The following RPRD1A variants were observed in gnomAD, a reference collection of about 807,000 sequenced individuals.
RPRD1A encodes the protein regulation of nuclear pre-mRNA domain-containing protein 1A.
In RPRD1A, 9 loss-of-function variants were observed where a neutral mutation model predicts 37.8. The observed-to-expected ratio is 0.24, with a 90% CI of 0.14 to 0.42. The LOEUF is 0.42. Among genes scored for constraint, RPRD1A ranks in the 10% least tolerant of loss-of-function variants. RPRD1A has a pLI of 1.00. For missense variants in RPRD1A, 255 were observed against 371.0 expected, an observed-to-expected ratio of 0.69 and a Z score of 2.57; for synonymous variants, 138 against 139.7, an observed-to-expected ratio of 0.99 and a Z score of 0.08.
chr18:35,995,481 T>A (rs777129816), intron 6 of RPRD1A, among the ~76,000 whole-genome samples: 8 of 152,142 alleles, frequency 5.3e-5, no homozygotes, highest in Non-Finnish European at 1.2e-4. Flanking sequence ...TTGGTCAGGC[T>A]GGTCTCGAAT....
At chr18:36,002,626 T>C (rs1909493806) in intron 6 of RPRD1A, among the ~76,000 whole-genome samples, 3 of 152,200 alleles carry the variant, frequency 2.0e-5, no homozygotes, top group Non-Finnish European at 2.9e-5. Flanking sequence ...TGTTCTTGCA[T>C]TGTACCTACT....
intron 1 of RPRD1A, among the ~76,000 whole-genome samples, chr18:36,049,629 G>A (rs1242319888): frequency 1.3e-5 from 2 of 152,182 alleles, no homozygotes; most frequent in Non-Finnish European, 2.9e-5. Flanking sequence ...CTGTGTTGTA[G>A]CATGTGTCAG....
intron 6 of RPRD1A, among the ~76,000 whole-genome samples, chr18:36,020,029 G>A (rs1910886564): frequency 1.3e-5 from 2 of 152,134 alleles, no homozygotes; most frequent in South Asian, 2.1e-4. Flanking sequence ...GAGAGAGTGA[G>A]ACTCCATCTG....
chr18:36,058,371 AC>A (rs1179562871), intron 1 of RPRD1A, among the ~76,000 whole-genome samples: 11 of 152,332 alleles, frequency 7.2e-5, no homozygotes, highest in African/African-American at 2.6e-4. Context: ...AGAAACTTCT[AC>A]TTGTACATTT....
intron 6 of RPRD1A, among the ~76,000 whole-genome samples, chr18:36,001,573 A>T (rs1256451058): frequency 2.0e-5 from 3 of 152,154 alleles, no homozygotes; most frequent in Non-Finnish European, 4.4e-5. Context: ...AGGTTTTCAC[A>T]AGCAGGCCAA....
chr18:36,065,875 AT>A (rs879922283), intron 1 of RPRD1A, among the ~76,000 whole-genome samples: 59 of 145,330 alleles, frequency 4.1e-4, no homozygotes, highest in Admixed American at 4.8e-4. Context: ...CAGTACTGCC[AT>A]TTTTTTTTTT....
At position 35,992,683 on chromosome 18, in the gene RPRD1A, T is replaced by C. The variant is rs2144126827; in HGVS notation, c.*468A>G. 1 of 152,782 alleles carries C rather than the reference T, an allele frequency of 6.5e-6. No homozygotes were observed. The highest frequency in any genetic ancestry group is 2.1e-4 in the South Asian group (1 of 4,830). 9.5% of individuals were successfully genotyped at this position (152,782 alleles called of 1,614,324 possible). On this transcript the variant is annotated 3_prime_UTR_variant, in exon 7 of 7. Coordinates refer to ENST00000399022, the MANE Select transcript of RPRD1A (RefSeq NM_018170.5). ...TTTGTTTGGGGAGAAGGGTAAAGAT[T>C]ATGTTGGAACATTTAGTCCCTTCTA...
At chr18:36,007,200 A>C (rs1909798904) in intron 6 of RPRD1A, among the ~76,000 whole-genome samples, 1 of 152,214 alleles carries the variant, frequency 6.6e-6, no homozygotes, top group Non-Finnish European at 1.5e-5. Flanking sequence ...ACTTTATTAC[A>C]CAATACACTG....
At chr18:36,026,141 T>C (rs1320981650) in intron 6 of RPRD1A, 1 of 152,714 alleles carries the variant, frequency 6.5e-6, no homozygotes, top group Non-Finnish European at 1.5e-5. Context: ...GGTAGTACCA[T>C]GACATTCCTA....
chr18:36,001,976 A>C (rs1330831203), intron 6 of RPRD1A, among the ~76,000 whole-genome samples: 2 of 152,124 alleles, frequency 1.3e-5, no homozygotes, highest in Non-Finnish European at 2.9e-5. Flanking sequence ...TGAGAAGTCC[A>C]TAATTTATCT....
chr18:36,050,068 G>A (rs1177944663), intron 1 of RPRD1A, among the ~76,000 whole-genome samples: 1 of 152,014 alleles, frequency 6.6e-6, no homozygotes, highest in East Asian at 1.9e-4. Flanking sequence ...GAAAATAAAA[G>A]GGTTGTTGGG....
At chr18:36,001,883 G>C (rs1399712252) in intron 6 of RPRD1A, among the ~76,000 whole-genome samples, 1 of 152,100 alleles carries the variant, frequency 6.6e-6, no homozygotes, top group Non-Finnish European at 1.5e-5. Flanking sequence ...TTTCACTTTT[G>C]AAGAATAATT....
At chr18:36,051,360 A>T (rs1197551101) in intron 1 of RPRD1A, among the ~76,000 whole-genome samples, 5 of 152,192 alleles carry the variant, frequency 3.3e-5, no homozygotes. Flanking sequence ...TACTGCTCTA[A>T]AAAGGGTTAA....
In RPRD1A at chr18:36,067,399, T is replaced by C. The variant is rs985665267; in HGVS notation, c.6A>G (p.Ser2=). ...TCTCCAGCGCCGCCTCAGAGAAGGCTGACATCCCTCCGACACCACGTTCAC... is the reference window on the plus strand; with the variant it reads ...TCTCCAGCGCCGCCTCAGAGAAGGCCGACATCCCTCCGACACCACGTTCAC... M[S]AFSEAALEKK... Residue 2 remains serine (S), a synonymous_variant, in exon 1 of 7, where the codon TCA becomes TCG. Transcript: ENST00000399022. 6.2e-7 allele frequency: 1 copy of C among 1,606,734 alleles called. No individual in the cohort carries two copies. Among genetic ancestry groups the C allele is most frequent in the Non-Finnish European group, 8.5e-7 (1 of 1,176,868 alleles).
intron 1 of RPRD1A, among the ~76,000 whole-genome samples, chr18:36,061,032 C>G (rs953040199): frequency 1.3e-5 from 2 of 152,052 alleles, no homozygotes; most frequent in African/African-American, 4.8e-5. Flanking sequence ...AGGTTTGGCT[C>G]TTTGCATCCA....
intron 1 of RPRD1A, among the ~76,000 whole-genome samples, chr18:36,053,244 T>G (rs904108581): frequency 1.3e-5 from 2 of 152,224 alleles, no homozygotes; most frequent in Non-Finnish European, 2.9e-5. Flanking sequence ...TTAGTGCATT[T>G]GTAAGGTTAT....
At chr18:36,048,656 G>GAA (rs1052183892) in intron 1 of RPRD1A, among the ~76,000 whole-genome samples, 2 of 138,658 alleles carry the variant, frequency 1.4e-5, no homozygotes, top group East Asian at 4.2e-4. Context: ...AAAAAAAAAA[G>GAA]AAAAAAAAAA....
chr18:36,061,440 T>C (rs1219629359), intron 1 of RPRD1A, among the ~76,000 whole-genome samples: 2 of 152,210 alleles, frequency 1.3e-5, no homozygotes, highest in Non-Finnish European at 2.9e-5. Flanking sequence ...GGGAAGGCAG[T>C]GACCTTCACC....
chr18:36,031,778 A>C (rs765657479), intron 2 of RPRD1A, among the ~76,000 whole-genome samples: 1 of 152,182 alleles, frequency 6.6e-6, no homozygotes, highest in Non-Finnish European at 1.5e-5. Flanking sequence ...TTCTGTACAA[A>C]GCATCCTAAT....
Sources: allele counts gnomAD v4.1 joint callset (sites outside exome capture counted in the v4.1 genomes callset), GRCh38; gene constraint gnomAD v4.1.1; transcripts MANE v1.5; gene names NCBI Gene and HGNC (gene_info 2026-07-23, HGNC 2026-07-21).